PDS5B: variants seen among roughly 807,000 people sequenced by gnomAD.
The protein encoded by PDS5B is sister chromatid cohesion protein PDS5 homolog B.
Under a neutral mutation model 184.1 loss-of-function variants are expected in PDS5B, and 51 were observed. That is an observed-to-expected ratio of 0.28 (90% CI 0.22 to 0.35). PDS5B has a LOEUF of 0.35. Among genes scored for constraint, PDS5B ranks in the 10% least tolerant of loss-of-function variants. The pLI, the probability that PDS5B is intolerant of heterozygous loss-of-function variation, is 1.00. For missense variants in PDS5B, 1,180 were observed against 1,723.3 expected (o/e 0.68, Z 5.58); for synonymous variants, 566 against 569.2 (o/e 0.99, Z 0.08).
rs575035863 is a variant in PDS5B, at chr13:32,773,338, G to A, written c.4308+14G>A. The A allele has an allele frequency of 1.2e-6, 2 of 1,600,784 alleles. No individual in the cohort carries two copies. Among genetic ancestry groups the A allele is most frequent in the African/African-American group, 1.3e-5 (1 of 74,464 alleles). On this transcript the variant is annotated intron_variant, in intron 34 of 34. Transcript: ENST00000315596. Reference sequence around the variant, plus strand: ...TCTACAGTAAATGTATGTGTTCAAAGTTTCTGTGAGTGGTGTGGGATATAA... The same window carrying A: ...TCTACAGTAAATGTATGTGTTCAAAATTTCTGTGAGTGGTGTGGGATATAA...
chr13:32,658,687 A>T (rs1950574918), intron 5 of PDS5B, among the ~76,000 whole-genome samples, 156 bp downstream of exon 5: 1 of 152,150 alleles, frequency 6.6e-6, no homozygotes, highest in African/African-American at 2.4e-5. Context: ...AAATGAATAG[A>T]GCTTAATTTT....
intron 18 of PDS5B, 108 bp downstream of exon 18, chr13:32,707,147 A>G: frequency 3.5e-6 from 2 of 563,714 alleles, no homozygotes; most frequent in South Asian, 7.2e-5. Flanking sequence ...AATCCAAAGT[A>G]AAATTTTCTC....
At chr13:32,687,423 G>T in intron 12 of PDS5B, 138 bp downstream of exon 12, 1 of 596,512 alleles carries the variant, frequency 1.7e-6, no homozygotes, top group Non-Finnish European at 2.8e-6. Context: ...GTGAGTGACT[G>T]GGCTCATTCC....
intron 25 of PDS5B, among the ~76,000 whole-genome samples, chr13:32,754,070 T>A (rs1954081380): frequency 6.6e-6 from 1 of 152,136 alleles, no homozygotes; most frequent in South Asian, 2.1e-4. Flanking sequence ...CCTCCTCTCA[T>A]CCGTCACCAA....
chr13:32,668,333 T>G (rs933976983), intron 7 of PDS5B, among the ~76,000 whole-genome samples: 2 of 152,146 alleles, frequency 1.3e-5, no homozygotes, highest in Non-Finnish European at 1.5e-5. Context: ...TGGGGTAGAT[T>G]CCATATAAAT....
At chr13:32,609,852 C>T (rs540942) in intron 1 of PDS5B, among the ~76,000 whole-genome samples, 1 of 149,914 alleles carries the variant, frequency 6.7e-6, no homozygotes, top group Non-Finnish European at 1.5e-5. Context: ...TCCTTGGGAA[C>T]TGAGATCTCT....
chr13:32,673,163 T>A (rs918355698), intron 7 of PDS5B, 53 bp from the exon 8 acceptor site: 28 of 1,490,436 alleles, frequency 1.9e-5, no homozygotes, highest in Non-Finnish European at 2.3e-5. Flanking sequence ...TTTAAAACAT[T>A]CAACTTGTCT....
intron 1 of PDS5B, among the ~76,000 whole-genome samples, chr13:32,647,588 G>C (rs1950259482): frequency 6.6e-6 from 1 of 151,948 alleles, no homozygotes; most frequent in African/African-American, 2.4e-5. Context: ...GCCTTTAATG[G>C]TTTTTCGTAT....
At chr13:32,610,599 T>C (rs576591435) in intron 1 of PDS5B, among the ~76,000 whole-genome samples, 21 of 150,784 alleles carry the variant, frequency 1.4e-4, no homozygotes, top group African/African-American at 4.9e-4. Context: ...TAGTAGTAGA[T>C]CCAACATTTG....
intron 22 of PDS5B, among the ~76,000 whole-genome samples, 160 bp from the exon 23 acceptor site, chr13:32,742,430 AC>A (rs1953591234): frequency 6.6e-6 from 1 of 152,176 alleles, no homozygotes; most frequent in Admixed American, 6.5e-5. Flanking sequence ...GATGTTTGAA[AC>A]ATCTTTAAAA....
intron 18 of PDS5B, among the ~76,000 whole-genome samples, chr13:32,708,417 C>T (rs1459204146): frequency 6.6e-6 from 1 of 152,150 alleles, no homozygotes; most frequent in South Asian, 2.1e-4. Flanking sequence ...TTACAAACAA[C>T]ACTAAGGTGA....
Position 32,775,563 on chromosome 13 carries a change from TC to T in PDS5B, c.*512del, listed in dbSNP as rs1954929951. 1 of 427,478 alleles carries T rather than the reference TC, an allele frequency of 2.3e-6. No individual in the cohort carries two copies. Among genetic ancestry groups the T allele is most frequent in the African/African-American group, 2.1e-5 (1 of 48,616 alleles). 26.5% of individuals were successfully genotyped at this position (427,478 alleles called of 1,614,324 possible). On this transcript the variant is annotated 3_prime_UTR_variant, in exon 35 of 35. Transcript: ENST00000315596. ...CTATTTGTTGGAGAGTTAAATGGTC[TC>T]TTCCCTTTGTGTATCTTACCTAGTG...
At chr13:32,711,575 C>G (rs1952204905) in intron 19 of PDS5B, among the ~76,000 whole-genome samples, 1 of 151,900 alleles carries the variant, frequency 6.6e-6, no homozygotes. Context: ...CCAGGCTGGG[C>G]TCCAACTCCT....
At position 32,771,027 on chromosome 13, in the gene PDS5B, A is replaced by G. The variant is rs990617862; in HGVS notation, c.4172+266A>G. ...AGACTTTATGATATCTAAAGAAATC[A>G]TAAGGTATTTTTAAATAATCACCAC... is the stretch of plus-strand genomic sequence containing the variant. On this transcript the variant is annotated intron_variant, in intron 33 of 34. Transcript: ENST00000315596. 11 of 326,386 alleles carry G rather than the reference A, an allele frequency of 3.4e-5. 1 individual carries two copies. In the East Asian group the frequency reaches 6.0e-4, roughly 18 times the overall value. The allele number at this position is 326,386 out of a possible 1,614,324, so 20.2% of individuals were successfully genotyped here. A position where few individuals can be genotyped will look rare whatever the true frequency, so the allele number is the denominator to read the frequency against.
chr13:32,722,505 T>C (rs1312251376), intron 19 of PDS5B, among the ~76,000 whole-genome samples: 1 of 152,222 alleles, frequency 6.6e-6, no homozygotes, highest in African/African-American at 2.4e-5. Flanking sequence ...GTTTGTAGTC[T>C]AGGAGCAATA....
intron 3 of PDS5B, among the ~76,000 whole-genome samples, chr13:32,654,330 T>A (rs1950443622): frequency 6.6e-6 from 1 of 152,338 alleles, no homozygotes; most frequent in Admixed American, 6.5e-5. Context: ...GTTATTGTCA[T>A]CAGCAAACCC....
Position 32,648,755 on chromosome 13 carries a change from G to A in PDS5B, c.-18G>A, listed in dbSNP as rs1333907306. ...CATCTAATAGTTTTCTTGTTTCAGG[G>A]GTAGAAATATTTCTGTCATGGCTCA... On this transcript the variant is annotated splice_region_variant and 5_prime_UTR_variant, in exon 2 of 35. Coordinates refer to ENST00000315596, the MANE Select transcript of PDS5B (RefSeq NM_015032.4). 4.6e-6 allele frequency: 5 copies of A among 1,094,912 alleles called. No individual in the cohort carries two copies. 67.8% of individuals were successfully genotyped at this position (1,094,912 alleles called of 1,614,324 possible). A position where few individuals can be genotyped will look rare whatever the true frequency, so the allele number is the denominator to read the frequency against.
intron 10 of PDS5B, among the ~76,000 whole-genome samples, chr13:32,682,402 G>A (rs1313003367): frequency 6.6e-6 from 1 of 152,066 alleles, no homozygotes; most frequent in Non-Finnish European, 1.5e-5. Flanking sequence ...CTTTTTGAGG[G>A]TGGGGAATGG....
At chr13:32,753,787 A>G (rs1954072153) in intron 25 of PDS5B, among the ~76,000 whole-genome samples, 1 of 152,232 alleles carries the variant, frequency 6.6e-6, no homozygotes, top group South Asian at 2.1e-4. Context: ...CATTGGAGGT[A>G]CTTTTAACAG....
Sources: gnomAD v4.1 joint callset for allele counts (sites outside exome capture counted in the v4.1 genomes callset) on GRCh38, gnomAD v4.1.1 for gene constraint, MANE v1.5 for transcripts, NCBI Gene and HGNC (gene_info 2026-07-23, HGNC 2026-07-21) for gene names.